Variants in UNC5D observed in about 807,000 individuals in gnomAD.
UNC5D encodes the protein unc-5 netrin receptor D.
UNC5D carries 39 observed loss-of-function variants against 105.4 expected under a neutral mutation model. The ratio of observed to expected loss-of-function variants is 0.37; its 90% CI spans 0.29 to 0.48. UNC5D has a LOEUF of 0.48. Ranked by LOEUF, UNC5D falls within the 20% of genes least tolerant of loss-of-function variation. The probability of loss-of-function intolerance (pLI) is 0.98; values close to 1 mark genes in which losing one functional copy is unlikely to be tolerated. For synonymous variants in UNC5D, 452 were observed against 450.4 expected (o/e 1.00, Z -0.04); for missense variants, 991 against 1,202.4 (o/e 0.82, Z 2.60).
chr8:35,765,834 T>C (rs975208379), intron 14 of UNC5D, among the ~76,000 whole-genome samples: 22 of 152,158 alleles, frequency 1.4e-4, no homozygotes, highest in African/African-American at 5.3e-4. Flanking sequence ...CTTTCAGTTC[T>C]AGTATTGCAG....
At chr8:35,719,141 T>TATAC (rs1554594443) in intron 8 of UNC5D, among the ~76,000 whole-genome samples, 1 of 133,076 alleles carries the variant, frequency 7.5e-6, no homozygotes, top group Admixed American at 7.7e-5. Flanking sequence ...CATGTGCTTA[T>TATAC]ACACACACAC....
chr8:35,382,880 A>T (rs1294341391), intron 1 of UNC5D, among the ~76,000 whole-genome samples: 1 of 152,132 alleles, frequency 6.6e-6, no homozygotes, highest in African/African-American at 2.4e-5. Context: ...TCTCTAGTTT[A>T]TGGATATTAC....
intron 4 of UNC5D, among the ~76,000 whole-genome samples, chr8:35,601,907 C>G (rs1393789652): frequency 6.6e-6 from 1 of 152,128 alleles, no homozygotes; most frequent in Non-Finnish European, 1.5e-5. Context: ...CAGTTTTTGT[C>G]CATTCAGTGT....
chr8:35,391,088 A>G lies in UNC5D; in HGVS notation c.103+155201A>G, dbSNP rs375441048. ...AGGGAGTAAAATCTGGGAGAGATGC[A>G]TAAAGAATGTTATATGCTGTAGGCA... On this transcript the variant is annotated intron_variant, in intron 1 of 16. Coordinates refer to ENST00000404895, the MANE Select transcript of UNC5D (RefSeq NM_080872.4). Among the ~76,000 whole-genome samples the G allele has an allele frequency of 2.3e-4, 35 of 152,372 alleles. 1 individual carries two copies. Among genetic ancestry groups the G allele is most frequent in the African/African-American group, 8.4e-4 (35 of 41,588 alleles).
intron 16 of UNC5D, among the ~76,000 whole-genome samples, chr8:35,778,883 A>G (rs536026860): frequency 3.9e-5 from 6 of 152,344 alleles, no homozygotes; most frequent in Admixed American, 3.9e-4. Context: ...AAAGACAGGG[A>G]ATGTAAAGTT....
intron 4 of UNC5D, among the ~76,000 whole-genome samples, chr8:35,665,844 T>C (rs1324637962): frequency 6.6e-6 from 1 of 152,138 alleles, no homozygotes; most frequent in Non-Finnish European, 1.5e-5. Context: ...TTTAACCCTA[T>C]ATTTGTTTAA....
In UNC5D at chr8:35,706,994, G is replaced by A. The variant is rs923707470; in HGVS notation, c.1117+1033G>A. The stretch of plus-strand genomic sequence containing the variant: ...TAGTAGGAGATTAGACAACGGCCTG[G>A]CTGGTTTGGTTTGTAAAGCTTGTGA... On this transcript the variant is annotated intron_variant, in intron 8 of 16. Transcript: ENST00000404895. 5.9e-5 allele frequency among the ~76,000 whole-genome samples: 9 copies of A among 152,200 alleles called. No homozygotes were observed. The East Asian group carries it at 1.7e-3, about 29-fold the overall frequency.
chr8:35,315,518 C>T (rs1040744333), intron 1 of UNC5D, among the ~76,000 whole-genome samples: 7 of 152,120 alleles, frequency 4.6e-5, no homozygotes, highest in African/African-American at 1.7e-4. Context: ...CAGCCAGGGG[C>T]TCTAAAATCA....
intron 14 of UNC5D, among the ~76,000 whole-genome samples, chr8:35,764,487 A>G (rs531793042): frequency 1.3e-5 from 2 of 152,238 alleles, no homozygotes; most frequent in African/African-American, 2.4e-5. Flanking sequence ...AAAGAATCAC[A>G]TTAGATAACA....
In UNC5D at chr8:35,789,893, A is replaced by ACACAC. The variant is rs879701613; in HGVS notation, c.2658-466_2658-465insCACAC. Among the ~76,000 whole-genome samples, 206 of 130,906 alleles carry ACACAC rather than the reference A, an allele frequency of 1.6e-3. 1 individual carries two copies. The highest frequency in any genetic ancestry group is 6.8e-3 in the African/African-American group (190 of 27,964). The allele number at this position is 130,906 out of a possible 152,430, so 85.9% of individuals were successfully genotyped here. On this transcript the variant is annotated intron_variant, in intron 16 of 16. Transcript: ENST00000404895. ...GCATGTCAAGGGGATAGTCAAGAAG[A>ACACAC]AAACACACACACACACACACACACA...
chr8:35,438,951 G>A (rs1807214801), intron 1 of UNC5D, among the ~76,000 whole-genome samples: 1 of 152,012 alleles, frequency 6.6e-6, no homozygotes, highest in Non-Finnish European at 1.5e-5. Context: ...GGAGATAAAA[G>A]GACCCCTGTT....
chr8:35,768,163 T>C (rs1801856164), intron 15 of UNC5D, among the ~76,000 whole-genome samples: 1 of 152,114 alleles, frequency 6.6e-6, no homozygotes. Flanking sequence ...CTATTCTCAT[T>C]TGAATTCATT....
intron 8 of UNC5D, among the ~76,000 whole-genome samples, chr8:35,707,052 T>G (rs1406560704): frequency 6.6e-6 from 1 of 152,228 alleles, no homozygotes; most frequent in Non-Finnish European, 1.5e-5. Context: ...CTCATTCTAG[T>G]ATCAACTGAA....
intron 1 of UNC5D, among the ~76,000 whole-genome samples, chr8:35,383,777 G>A (rs1271546801): frequency 2.6e-5 from 4 of 152,186 alleles, no homozygotes; most frequent in South Asian, 2.1e-4. Context: ...GTGTCATGGT[G>A]GTAAAACATC....
rs765429272 is a variant in UNC5D, at chr8:35,750,693, A to G, written c.2047A>G (p.Ile683Val). ...GACCTATGCGCTCACTGGAGAGCCA[A>G]TCACAGACTGTGCCGTGAAGCAACT... ...FGTYALTGEP[I>V]TDCAVKQLKV... The change falls in exon 13 of 17, where the codon ATC (isoleucine) becomes GTC (valine). Residue 683 changes from isoleucine (I) to valine (V), a missense_variant. By Grantham distance (29) the Ile-to-Val change is conservative (BLOSUM62 3). Around this residue, in one of 3 missense-constraint regions of UNC5D, gnomAD observed 944 missense variants for 1,131.6 expected, o/e 0.83. Coordinates refer to ENST00000404895, the MANE Select transcript of UNC5D (RefSeq NM_080872.4). 1.2e-6 allele frequency: 2 copies of G among 1,614,134 alleles called. No individual in the cohort carries two copies. Among genetic ancestry groups the G allele is most frequent in the East Asian group, 2.2e-5 (1 of 44,858 alleles).
intron 1 of UNC5D, among the ~76,000 whole-genome samples, chr8:35,328,944 C>T (rs1039462548): frequency 7.9e-5 from 12 of 152,104 alleles, no homozygotes; most frequent in Non-Finnish European, 1.3e-4. Flanking sequence ...CTCTTTGCCC[C>T]AATTCCCTGC....
chr8:35,593,532 C>T (rs890980298), intron 3 of UNC5D, among the ~76,000 whole-genome samples: 1 of 152,056 alleles, frequency 6.6e-6, no homozygotes, highest in Non-Finnish European at 1.5e-5. Flanking sequence ...GCAGGAGGAT[C>T]GGAGGAGGAG....
chr8:35,682,193 G>A (rs1316911899), intron 4 of UNC5D, among the ~76,000 whole-genome samples: 1 of 152,162 alleles, frequency 6.6e-6, no homozygotes, highest in Non-Finnish European at 1.5e-5. Flanking sequence ...TCCAATTCCT[G>A]ACCTCGTGAT....
chr8:35,683,773 A>T (rs1195258416), intron 5 of UNC5D, 46 bp downstream of exon 5: 1 of 1,427,008 alleles, frequency 7.0e-7, no homozygotes, highest in Non-Finnish European at 9.2e-7. Flanking sequence ...GGGCAGAAAG[A>T]GGTAGAGGGA....
Sources: gnomAD v4.1 joint callset for allele counts (sites outside exome capture counted in the v4.1 genomes callset) on GRCh38, gnomAD v4.1.1 for gene constraint, gnomAD v4.1.1 regional missense constraint, MANE v1.5 for transcripts, NCBI Gene and HGNC (gene_info 2026-07-23, HGNC 2026-07-21) for gene names.